The following MAML3 variants were observed in gnomAD, a reference collection of about 807,000 sequenced individuals.
MAML3 encodes mastermind-like protein 3.
In MAML3, 27 loss-of-function variants were observed where a neutral mutation model predicts 101.9. The observed-to-expected ratio is 0.27, with a 90% CI of 0.20 to 0.37. The LOEUF (loss-of-function observed/expected upper bound fraction) is 0.37, where lower values mean the gene tolerates loss of function less well. Ranked by LOEUF, MAML3 falls within the 10% of genes least tolerant of loss-of-function variation. The pLI is 1.00. For missense variants in MAML3, 1,316 were observed against 1,444.9 expected, an observed-to-expected ratio of 0.91 and a Z score of 1.45; for synonymous variants, 501 against 555.9, an observed-to-expected ratio of 0.90 and a Z score of 1.39.
chr4:139,863,538 CG>C (rs943626731), intron 2 of MAML3, among the ~76,000 whole-genome samples: 20 of 151,852 alleles, frequency 1.3e-4, no homozygotes, highest in Non-Finnish European at 2.2e-4. Flanking sequence ...TTGGGAGAGA[CG>C]GGGTTTCTCC....
chr4:139,756,414 T>A lies in MAML3; in HGVS notation c.2080-25747A>T, dbSNP rs146463177. On this transcript the variant is annotated intron_variant, in intron 2 of 4. Transcript: ENST00000509479. ...CTGGTCTATGTAACAGAATCACACA[T>A]GGCTGAAGACAGAAAGTTGGCCTTA... 7.0e-4 allele frequency among the ~76,000 whole-genome samples: 107 copies of A among 152,318 alleles called. 3 individuals are homozygous for A. In the East Asian group the frequency reaches 0.015, roughly 22 times the overall value.
At chr4:140,148,864 A>G (rs534902021) in intron 1 of MAML3, among the ~76,000 whole-genome samples, 18 of 152,250 alleles carry the variant, frequency 1.2e-4, no homozygotes, top group Non-Finnish European at 2.2e-4. Flanking sequence ...CAGGGGTCAC[A>G]TAGATTTATG....
At chr4:139,771,399 T>A (rs972820297) in intron 2 of MAML3, among the ~76,000 whole-genome samples, 10 of 152,204 alleles carry the variant, frequency 6.6e-5, no homozygotes, top group Non-Finnish European at 1.5e-4. Flanking sequence ...ACTCAATGCA[T>A]AAATAAAACA....
intron 1 of MAML3, among the ~76,000 whole-genome samples, chr4:139,936,544 A>T (rs539491986): frequency 6.6e-6 from 1 of 152,238 alleles, no homozygotes; most frequent in Admixed American, 6.5e-5. Flanking sequence ...ATTTTCTGAG[A>T]TATCTTCTTT....
intron 1 of MAML3, among the ~76,000 whole-genome samples, chr4:139,924,446 T>C (rs966946051): frequency 1.3e-5 from 2 of 152,216 alleles, no homozygotes; most frequent in African/African-American, 4.8e-5. Context: ...AAACTTTTCC[T>C]CCCTTTTTCT....
intron 2 of MAML3, among the ~76,000 whole-genome samples, chr4:139,733,721 G>A (rs570128808): frequency 5.9e-5 from 9 of 152,236 alleles, no homozygotes; most frequent in African/African-American, 9.6e-5. Flanking sequence ...GTTTCACTCC[G>A]TTGCCCAGGC....
At chr4:140,072,667 T>C (rs1322000177) in intron 1 of MAML3, among the ~76,000 whole-genome samples, 1 of 125,930 alleles carries the variant, frequency 7.9e-6, no homozygotes, top group African/African-American at 3.1e-5. Context: ...CAAAACTCCG[T>C]CTCAAAAAAA....
chr4:139,990,935 A>G (rs867406274), intron 1 of MAML3, among the ~76,000 whole-genome samples: 75 of 152,256 alleles, frequency 4.9e-4, no homozygotes, highest in African/African-American at 1.6e-3. Flanking sequence ...TTCCATGCTC[A>G]TGGGTAGGAG....
chr4:139,837,983 T>C (rs34254201), intron 2 of MAML3, among the ~76,000 whole-genome samples: 4,876 of 151,814 alleles, frequency 0.032, 83 homozygotes, highest in Middle Eastern at 0.068. Context: ...TCTTTTTGGC[T>C]GGGTAAATAA....
chr4:139,819,182 G>A (rs943783124), intron 2 of MAML3, among the ~76,000 whole-genome samples: 25 of 152,168 alleles, frequency 1.6e-4, no homozygotes, highest in African/African-American at 5.8e-4. Context: ...CTGGAGCGGG[G>A]AGAGTGATCT....
intron 1 of MAML3, among the ~76,000 whole-genome samples, chr4:139,971,528 T>C (rs114556538): frequency 2.8e-3 from 434 of 152,360 alleles, no homozygotes; most frequent in African/African-American, 9.8e-3. Flanking sequence ...TGCTTCATAA[T>C]ATAAATATGA....
intron 1 of MAML3, among the ~76,000 whole-genome samples, chr4:139,992,369 A>G (rs1734695665): frequency 6.6e-6 from 1 of 151,922 alleles, no homozygotes; most frequent in Non-Finnish European, 1.5e-5. Flanking sequence ...ATGGCCTTAG[A>G]GTAGCATGGC....
At chr4:140,006,132 G>A (rs573873767) in intron 1 of MAML3, among the ~76,000 whole-genome samples, 16 of 152,048 alleles carry the variant, frequency 1.1e-4, no homozygotes, top group Non-Finnish European at 1.3e-4. Flanking sequence ...GGACTTTATC[G>A]AGTAAGATGA....
intron 1 of MAML3, among the ~76,000 whole-genome samples, chr4:140,076,434 A>G (rs1049469302): frequency 1.3e-5 from 2 of 150,638 alleles, no homozygotes; most frequent in Non-Finnish European, 3.0e-5. Flanking sequence ...AGGTGTGAGC[A>G]CGAAAAGGAG....
intron 1 of MAML3, among the ~76,000 whole-genome samples, chr4:140,115,692 G>A (rs1436988958): frequency 6.6e-6 from 1 of 152,074 alleles, no homozygotes; most frequent in Non-Finnish European, 1.5e-5. Flanking sequence ...GGTACATAAA[G>A]AGCAAAAAGC....
chr4:139,982,753 C>T (rs902099872), intron 1 of MAML3, among the ~76,000 whole-genome samples: 2 of 152,146 alleles, frequency 1.3e-5, no homozygotes, highest in Non-Finnish European at 2.9e-5. Flanking sequence ...AACTCCAATA[C>T]ATCACCACAT....
intron 1 of MAML3, among the ~76,000 whole-genome samples, chr4:140,021,335 C>T (rs1489571779): frequency 1.3e-5 from 2 of 151,994 alleles, no homozygotes; most frequent in Non-Finnish European, 2.9e-5. Context: ...TTAACTAGGG[C>T]TGGAAAAAAA....
chr4:139,864,757 A>C (rs939612912), intron 2 of MAML3, among the ~76,000 whole-genome samples: 1 of 150,816 alleles, frequency 6.6e-6, no homozygotes, highest in Non-Finnish European at 1.5e-5. Flanking sequence ...ATGTTCACTT[A>C]CTCACTTCCT....
At chr4:140,130,969 T>G (rs1728783679) in intron 1 of MAML3, among the ~76,000 whole-genome samples, 1 of 152,126 alleles carries the variant, frequency 6.6e-6, no homozygotes, top group South Asian at 2.1e-4. Flanking sequence ...AGGTTCTAAA[T>G]AGAGAGGACC....
Sources: gnomAD v4.1 joint callset for allele counts (sites outside exome capture counted in the v4.1 genomes callset) on GRCh38, gnomAD v4.1.1 for gene constraint, MANE v1.5 for transcripts, NCBI Gene and HGNC (gene_info 2026-07-23, HGNC 2026-07-21) for gene names.